NMB: variants seen among roughly 807,000 people sequenced by gnomAD.
NMB encodes neuromedin-B.
NMB carries 12 observed loss-of-function variants against 11.7 expected under a neutral mutation model. That is an observed-to-expected ratio of 1.03 (90% CI 0.66 to 1.66). The LOEUF is 1.66. Ranked by LOEUF, NMB falls within the 40% of genes most tolerant of loss-of-function variation. NMB has a pLI of 0.00. For missense variants in NMB, 174 were observed against 157.9 expected, an observed-to-expected ratio of 1.10 and a Z score of -0.55; for synonymous variants, 76 against 72.6, an observed-to-expected ratio of 1.05 and a Z score of -0.24.
rs895994965 is a variant in NMB, at chr15:84,656,501, A to G, written c.330+675T>C. Among the ~76,000 whole-genome samples, 5 of 148,576 alleles carry G rather than the reference A, an allele frequency of 3.4e-5. 1 individual carries two copies. On this transcript the variant is annotated intron_variant, in intron 2 of 2. Coordinates refer to ENST00000360476, the MANE Select transcript of NMB (RefSeq NM_021077.4). ...TCTGGAGGTCTTTTCAGTTGTCACA[A>G]CTTGATGGGGGGGAAAGATGCTACT...
rs774370023 is a variant in NMB, at chr15:84,657,220, T to C, written c.286A>G (p.Lys96Glu). The C allele has an allele frequency of 1.3e-5, 21 of 1,612,540 alleles. No individual in the cohort carries two copies. The highest frequency in any genetic ancestry group is 1.8e-5 in the Non-Finnish European group (21 of 1,179,432). ...HDLLGILLLK[K>E]ALGVSLSRPA... ...CGGCTGAGGCTCACGCCCAGAGCCT[T>C]CTTTAGCAGGAGGATTCCGAGCAGA... Residue 96 changes from lysine to glutamate, a missense_variant, in exon 2 of 3, where the codon AAG becomes GAG. Around this residue, in one of 2 missense-constraint regions of NMB, gnomAD observed 168 missense variants for 138.4 expected, o/e 1.21. Coordinates refer to ENST00000360476, the MANE Select transcript of NMB (RefSeq NM_021077.4).
At chr15:84,655,493 TGTCTGCAGAG>T (rs1596059453) in intron 2 of NMB, 84 bp from the exon 3 acceptor site, 1 of 1,572,622 alleles carries the variant, frequency 6.4e-7, no homozygotes, top group East Asian at 2.2e-5. Context: ...AAGTGCCAGA[TGTCTGCAGAG>T]GTGGGCACCA....
At position 84,658,128 on chromosome 15, in the gene NMB, G is replaced by A; in HGVS notation, c.25C>T (p.Arg9Trp). 2.6e-6 allele frequency: 4 copies of A among 1,524,008 alleles called. No homozygotes were observed. The highest frequency in any genetic ancestry group is 3.5e-6 in the Non-Finnish European group (4 of 1,145,006). The allele number at this position is 1,524,008 out of a possible 1,614,324, so 94.4% of individuals were successfully genotyped here. Residue 9 changes from arginine (R) to tryptophan (W), a missense_variant, in exon 1 of 3, where the codon CGG becomes TGG. Around this residue, in one of 2 missense-constraint regions of NMB, gnomAD observed 168 missense variants for 138.4 expected, o/e 1.21. Coordinates refer to ENST00000360476, the MANE Select transcript of NMB (RefSeq NM_021077.4). MARRAGGA[R>W]MFGSLLLFAL... ...AAGAGCAGGAGGCTGCCGAACATCC[G>A]AGCGCCCCCCGCCCGCCGGGCCATG...
At position 84,658,076 on chromosome 15, in the gene NMB, G is replaced by A; in HGVS notation, c.77C>T (p.Pro26Leu). 1 of 1,584,646 alleles carries A rather than the reference G, an allele frequency of 6.3e-7. No individual in the cohort carries two copies. The highest frequency in any genetic ancestry group is 8.5e-7 in the Non-Finnish European group (1 of 1,169,760). Residue 26 changes from proline to leucine, a missense_variant, in exon 1 of 3, where the codon CCG (proline) becomes CTG (leucine). Coordinates refer to ENST00000360476, the MANE Select transcript of NMB (RefSeq NM_021077.4). ...GGGCTCCGGGAGATCCCAGCTGAGC[G>A]GGGCGACGCCGGCAGCGAGCAGGGC... ...LFALLAAGVA[P>L]LSWDLPEPRS...
At chr15:84,656,921 G>C (rs1437499191) in intron 2 of NMB, among the ~76,000 whole-genome samples, 1 of 152,098 alleles carries the variant, frequency 6.6e-6, no homozygotes, top group African/African-American at 2.4e-5. Context: ...GATGAGTCAG[G>C]GGAACTTCTT....
intron 2 of NMB, 38 bp downstream of exon 2, chr15:84,657,138 C>G: frequency 3.8e-6 from 6 of 1,586,892 alleles, no homozygotes; most frequent in Non-Finnish European, 5.1e-6. Context: ...ATGGCCCCAG[C>G]TGGGCCCTCC....
In NMB at chr15:84,658,076, G is replaced by T. The variant is rs529513238; in HGVS notation, c.77C>A (p.Pro26Gln). ...LFALLAAGVA[P>Q]LSWDLPEPRS... ...GGGCTCCGGGAGATCCCAGCTGAGC[G>T]GGGCGACGCCGGCAGCGAGCAGGGC... Residue 26 changes from proline to glutamine, a missense_variant, in exon 1 of 3, where the codon CCG becomes CAG. Coordinates refer to ENST00000360476, the MANE Select transcript of NMB (RefSeq NM_021077.4). 4.4e-6 allele frequency: 7 copies of T among 1,584,646 alleles called. No individual in the cohort carries two copies. In the African/African-American group the frequency reaches 9.7e-5, roughly 22 times the overall value.
Position 84,655,170 on chromosome 15 carries a change from G to C in NMB, c.*204C>G, listed in dbSNP as rs975482738. ...AGGTTTTATTCACCAATTCAACAGGGAAGCAGGAAATACAGCAGGAACATA... is the reference window on the plus strand; with the variant it reads ...AGGTTTTATTCACCAATTCAACAGGCAAGCAGGAAATACAGCAGGAACATA... On this transcript the variant is annotated 3_prime_UTR_variant, in exon 3 of 3. Coordinates refer to ENST00000360476, the MANE Select transcript of NMB (RefSeq NM_021077.4). 1 of 1,371,126 alleles carries C rather than the reference G, an allele frequency of 7.3e-7. No individual in the cohort carries two copies. Among genetic ancestry groups the C allele is most frequent in the Non-Finnish European group, 1.0e-6 (1 of 1,004,874 alleles). 84.9% of individuals were successfully genotyped at this position (1,371,126 alleles called of 1,614,324 possible). A position where few individuals can be genotyped will look rare whatever the true frequency, so the allele number is the denominator to read the frequency against.
Position 84,657,257 on chromosome 15 carries a change from C to T in NMB, c.249G>A (p.Gln83=). ...GGATTCCGAGCAGATCATGACTCAG[C>T]TGCAGTCGCTGGTCCCTCAGGGAGG... ...PHTSLRDQRL[Q]LSHDLLGILL... is the part of the protein sequence containing the mutation. Residue 83 remains glutamine, a synonymous_variant, in exon 2 of 3, where the codon CAG becomes CAA. Coordinates refer to ENST00000360476, the MANE Select transcript of NMB (RefSeq NM_021077.4). 3 of 1,609,464 alleles carry T rather than the reference C, an allele frequency of 1.9e-6. No individual in the cohort carries two copies. Among genetic ancestry groups the T allele is most frequent in the Non-Finnish European group, 1.7e-6 (2 of 1,178,102 alleles).
chr15:84,656,765 G>A (rs749332365), intron 2 of NMB, among the ~76,000 whole-genome samples: 20 of 151,840 alleles, frequency 1.3e-4, no homozygotes, highest in Admixed American at 2.6e-4. Flanking sequence ...GTCCCATTCC[G>A]GCCACAAGCA....
In NMB at chr15:84,657,199, T is replaced by C. The variant is rs1896793556; in HGVS notation, c.307A>G (p.Ser103Gly). ...ACCTGGATTTGGGGTGCGGGGCGGC[T>C]GAGGCTCACGCCCAGAGCCTTCTTT... Reference protein sequence around the residue: ...LLKKALGVSLSRPAPQIQYRR... With the variant: ...LLKKALGVSLGRPAPQIQYRR... Residue 103 changes from serine to glycine, a missense_variant, in exon 2 of 3, where the codon AGC (serine) becomes GGC (glycine). Physicochemically the swap from Ser to Gly is moderately conservative, Grantham distance 56. Coordinates refer to ENST00000360476, the MANE Select transcript of NMB (RefSeq NM_021077.4). The C allele has an allele frequency of 6.2e-7, 1 of 1,611,246 alleles. No individual in the cohort carries two copies. Among genetic ancestry groups the C allele is most frequent in the Non-Finnish European group, 8.5e-7 (1 of 1,179,118 alleles).
intron 2 of NMB, among the ~76,000 whole-genome samples, 168 bp downstream of exon 2, chr15:84,657,008 C>T (rs557498427): frequency 6.6e-6 from 1 of 152,320 alleles, no homozygotes; most frequent in Non-Finnish European, 1.5e-5. Flanking sequence ...TTGAGCTCTG[C>T]CTCAAGAGGG....
In NMB at chr15:84,657,301, A is replaced by T. The variant is rs200849526; in HGVS notation, c.205T>A (p.Leu69Met). 2 of 1,590,472 alleles carry T rather than the reference A, an allele frequency of 1.3e-6. No homozygotes were observed. Among genetic ancestry groups the T allele is most frequent in the Non-Finnish European group, 8.6e-7 (1 of 1,167,946 alleles). Residue 69 changes from leucine to methionine, a missense_variant, in exon 2 of 3, where the codon TTG (leucine) becomes ATG (methionine). Leu to Met is a conservative substitution (Grantham distance 15). This residue lies in a region of NMB where 168 missense variants were observed against 138.4 expected (regional missense o/e 1.21). Coordinates refer to ENST00000360476, the MANE Select transcript of NMB (RefSeq NM_021077.4). ...AGGGAGGTGTGGGGAGCTGTCCCCA[A>T]TGGGGATGGGCTGGAAGGCTCCAGA... is the stretch of plus-strand genomic sequence containing the variant. ...KSLEPSSPSP[L>M]GTAPHTSLRD...
Position 84,655,427 on chromosome 15 carries a change from G to T in NMB, c.331-18C>A. 6.2e-7 allele frequency: 1 copy of T among 1,613,324 alleles called. No homozygotes were observed. Among genetic ancestry groups the T allele is most frequent in the Non-Finnish European group, 8.5e-7 (1 of 1,179,886 alleles). ...CTCCTGTACTGAAGAGAAACATACA[G>T]AAGAATTGAGCCAGGGAGGGGCTCC... On this transcript the variant is annotated intron_variant, in intron 2 of 2. Transcript: ENST00000360476.
At position 84,658,165 on chromosome 15, in the gene NMB, G is replaced by C; in HGVS notation, c.-13C>G. Reference sequence around the variant, plus strand: ...CCCGCCGGGCCATGGCTGTGCCCGGGCCGCGGCTTCGTTCGGGCGCGCTTC... The same window carrying C: ...CCCGCCGGGCCATGGCTGTGCCCGGCCCGCGGCTTCGTTCGGGCGCGCTTC... On this transcript the variant is annotated 5_prime_UTR_variant, in exon 1 of 3. Coordinates refer to ENST00000360476, the MANE Select transcript of NMB (RefSeq NM_021077.4). 6.9e-7 allele frequency: 1 copy of C among 1,445,572 alleles called. No homozygotes were observed. The highest frequency in any genetic ancestry group is 9.0e-7 in the Non-Finnish European group (1 of 1,113,042). 89.5% of individuals were successfully genotyped at this position (1,445,572 alleles called of 1,614,324 possible).
intron 1 of NMB, 118 bp downstream of exon 1, chr15:84,657,878 G>A: frequency 8.3e-7 from 1 of 1,211,956 alleles, no homozygotes; most frequent in Non-Finnish European, 1.1e-6. Context: ...TGAGCCCCAG[G>A]GTTTTCCACC....
rs1484156125 is a variant in NMB at position 84,658,073 on chromosome 15, A to G, written c.80T>C (p.Leu27Pro). 7 of 1,584,544 alleles carry G rather than the reference A, an allele frequency of 4.4e-6. No individual in the cohort carries two copies. The highest frequency in any genetic ancestry group is 1.4e-5 in the African/African-American group (1 of 72,158). The change falls in exon 1 of 3, where the codon CTC becomes CCC. Residue 27 changes from leucine (L) to proline (P), a missense_variant. Leu to Pro is a moderately conservative substitution (Grantham distance 98, BLOSUM62 -3). Coordinates refer to ENST00000360476, the MANE Select transcript of NMB (RefSeq NM_021077.4). ...GCGGGGCTCCGGGAGATCCCAGCTGAGCGGGGCGACGCCGGCAGCGAGCAG... is the reference window on the plus strand; with the variant it reads ...GCGGGGCTCCGGGAGATCCCAGCTGGGCGGGGCGACGCCGGCAGCGAGCAG... ...FALLAAGVAPLSWDLPEPRSR... is the reference protein window; with the variant it reads ...FALLAAGVAPPSWDLPEPRSR...
intron 2 of NMB, 45 bp downstream of exon 2, chr15:84,657,131 G>A (rs751790749): frequency 1.9e-6 from 3 of 1,571,230 alleles, no homozygotes; most frequent in Non-Finnish European, 2.6e-6. Flanking sequence ...TCCGGGGATG[G>A]CCCCAGCTGG....
chr15:84,656,929 C>T (rs774573707), intron 2 of NMB, among the ~76,000 whole-genome samples: 1 of 152,222 alleles, frequency 6.6e-6, no homozygotes, highest in Non-Finnish European at 1.5e-5. Context: ...AGGGGAACTT[C>T]TTTCCCTACT....
Sources: allele counts gnomAD v4.1 joint callset (sites outside exome capture counted in the v4.1 genomes callset), GRCh38; gene constraint gnomAD v4.1.1; regional missense constraint gnomAD v4.1.1; transcripts MANE v1.5; gene names NCBI Gene and HGNC (gene_info 2026-07-23, HGNC 2026-07-21).